The following SLC25A29 variants were observed in gnomAD, a reference collection of about 807,000 sequenced individuals.
The protein encoded by SLC25A29 is solute carrier family 25 member 29.
Under a neutral mutation model 10.0 loss-of-function variants are expected in SLC25A29, and 13 were observed. The ratio of observed to expected loss-of-function variants is 1.30; its 90% CI spans 0.85 to 2.07. The LOEUF is 2.07. SLC25A29 is among the 30% of genes most tolerant of loss of function. The probability of loss-of-function intolerance (pLI) is 0.00; values close to 1 mark genes in which losing one functional copy is unlikely to be tolerated. For missense variants in SLC25A29, 475 were observed against 447.6 expected (o/e 1.06, Z -0.55); for synonymous variants, 244 against 221.1 (o/e 1.10, Z -0.92).
chr14:100,306,068 G>T, intron 1 of SLC25A29, 131 bp downstream of exon 1: 1 of 595,610 alleles, frequency 1.7e-6, no homozygotes, highest in Non-Finnish European at 2.6e-6. Context: ...CGAGGCAAGA[G>T]AACTGTGGTC....
chr14:100,303,673 C>T (rs1265255091), intron 1 of SLC25A29, among the ~76,000 whole-genome samples: 1 of 152,174 alleles, frequency 6.6e-6, no homozygotes, highest in Non-Finnish European at 1.5e-5. Context: ...CACGAGGAGG[C>T]CTCCAGTCAC....
Position 100,295,838 on chromosome 14 carries a change from G to T in SLC25A29, c.79-2461C>A, listed in dbSNP as rs909171659. The T allele has an allele frequency of 1.6e-5, 20 of 1,289,722 alleles. No homozygotes were observed. In the East Asian group the frequency reaches 9.4e-4, roughly 61 times the overall value. The allele number at this position is 1,289,722 out of a possible 1,614,324, so 79.9% of individuals were successfully genotyped here. A position where few individuals can be genotyped will look rare whatever the true frequency, so the allele number is the denominator to read the frequency against. On this transcript the variant is annotated intron_variant, in intron 2 of 3. Coordinates refer to ENST00000359232, the MANE Select transcript of SLC25A29 (RefSeq NM_001039355.3). ...CGGTCACCCCCTCATCATAGGTCAA[G>T]ACAACTGCTCCCTGATTATTGCTGT...
intron 1 of SLC25A29, among the ~76,000 whole-genome samples, chr14:100,302,775 GTTT>G (rs56953966): frequency 3.4e-5 from 5 of 145,552 alleles, no homozygotes; most frequent in Non-Finnish European, 6.1e-5. Context: ...TGCTGCCAAT[GTTT>G]TTTTTTTTTT....
intron 1 of SLC25A29, among the ~76,000 whole-genome samples, chr14:100,300,167 A>G (rs975027876): frequency 6.6e-6 from 1 of 152,174 alleles, no homozygotes. Context: ...GCTACTCAGG[A>G]GGCTGAGGTG....
chr14:100,306,251 G>T lies in SLC25A29; in HGVS notation c.-19C>A, dbSNP rs764498244. ...GCGCCATGGCCGGGTCCCCGGCGAG[G>T]CCGCCTTTCCTCCTCGTCCTCCCCC... is the stretch of plus-strand genomic sequence containing the variant. On this transcript the variant is annotated 5_prime_UTR_variant, in exon 1 of 4. Transcript: ENST00000359232. 6.8e-7 allele frequency: 1 copy of T among 1,481,286 alleles called. No individual in the cohort carries two copies. Among genetic ancestry groups the T allele is most frequent in the Non-Finnish European group, 8.9e-7 (1 of 1,119,470 alleles). The allele number at this position is 1,481,286 out of a possible 1,614,324, so 91.8% of individuals were successfully genotyped here.
chr14:100,282,326 T>G, the SLC25A29 span: 13 of 151,400 alleles, frequency 8.6e-5, no homozygotes, highest in African/African-American at 3.2e-4. Flanking sequence ...TGGGATGTGT[T>G]GAGGAGGGGG....
intron 3 of SLC25A29, 28 bp downstream of exon 3, chr14:100,293,266 C>T: frequency 1.9e-6 from 3 of 1,609,822 alleles, no homozygotes; most frequent in Non-Finnish European, 2.5e-6. Context: ...CCTGTGCCTC[C>T]CGAGCCCCAC....
chr14:100,294,151 G>A (rs886611991), intron 2 of SLC25A29: 7 of 152,218 alleles, frequency 4.6e-5, no homozygotes, highest in African/African-American at 1.7e-4. Context: ...TTGGCTCCAG[G>A]AGCTCCTGCC....
intron 1 of SLC25A29, among the ~76,000 whole-genome samples, chr14:100,301,393 T>C (rs941776610): frequency 2.0e-5 from 3 of 151,044 alleles, no homozygotes; most frequent in African/African-American, 7.3e-5. Context: ...CTAAAACTCA[T>C]GACCTCATTG....
At position 100,303,640 on chromosome 14, in the gene SLC25A29, C is replaced by A. The variant is rs575381708; in HGVS notation, c.34+2559G>T. ...GTGGGGCCGGCCTCCATTGGAGGAG[C>A]CTCCTCACCACCTTTCTGAGCGCAC... On this transcript the variant is annotated intron_variant, in intron 1 of 3. Coordinates refer to ENST00000359232, the MANE Select transcript of SLC25A29 (RefSeq NM_001039355.3). Among the ~76,000 whole-genome samples, 41 of 152,328 alleles carry A rather than the reference C, an allele frequency of 2.7e-4. 1 individual carries two copies. The highest frequency in any genetic ancestry group is 9.4e-4 in the African/African-American group (39 of 41,566).
downstream of SLC25A29, among the ~76,000 whole-genome samples, chr14:100,288,358 G>A (rs1047318448): frequency 1.8e-5 from 2 of 109,298 alleles, no homozygotes; most frequent in African/African-American, 6.8e-5. Context: ...CTCCAGCCTG[G>A]GTGAAAAGAG....
downstream of SLC25A29, among the ~76,000 whole-genome samples, chr14:100,288,779 A>T (rs1891598643): frequency 6.6e-6 from 1 of 152,248 alleles, no homozygotes; most frequent in African/African-American, 2.4e-5. Flanking sequence ...GAAATATGCC[A>T]TGCAGCTGTC....
chr14:100,281,170 T>A, the SLC25A29 span: 1 of 150,804 alleles, frequency 6.6e-6, no homozygotes, highest in Non-Finnish European at 1.5e-5. Context: ...CTCTGACTTC[T>A]GTGACCTGGA....
chr14:100,289,973 C>T (rs2051961450), downstream of SLC25A29, among the ~76,000 whole-genome samples: 1 of 152,278 alleles, frequency 6.6e-6, no homozygotes, highest in Admixed American at 6.5e-5. Context: ...TGGGAGGGAG[C>T]TAGAAGCCCC....
In SLC25A29 at chr14:100,292,361, G is replaced by A. The variant is rs1029997904; in HGVS notation, c.834C>T (p.Gly278=). The A allele has an allele frequency of 2.0e-5, 30 of 1,506,622 alleles. No homozygotes were observed. Among genetic ancestry groups the A allele is most frequent in the Non-Finnish European group, 2.3e-5 (26 of 1,133,648 alleles). The allele number at this position is 1,506,622 out of a possible 1,614,324, so 93.3% of individuals were successfully genotyped here. The change falls in exon 4 of 4, where the codon GGC becomes GGT. Residue 278 remains glycine (G), a synonymous_variant. Transcript: ENST00000359232. ...TVTVVLTYAR[G]EEAGPEGEAV... ...CCTCGCCCTCGGGCCCGGCCTCCTC[G>A]CCGCGCGCGTAGGTGAGCACCACCG...
intron 1 of SLC25A29, chr14:100,305,812 A>C: frequency 1.0e-5 from 2 of 197,324 alleles, no homozygotes; most frequent in Non-Finnish European, 1.0e-5. Flanking sequence ...CCCGAAATAT[A>C]CGGCCGGGGG....
intron 1 of SLC25A29, among the ~76,000 whole-genome samples, chr14:100,300,693 T>C (rs1043500886): frequency 3.9e-5 from 6 of 152,054 alleles, no homozygotes; most frequent in Admixed American, 3.9e-4. Context: ...TTTTGAACCT[T>C]TTCTTACTAT....
At chr14:100,279,149 G>T in the SLC25A29 span, 1 of 152,164 alleles carries the variant, frequency 6.6e-6, no homozygotes, top group Non-Finnish European at 1.5e-5. Flanking sequence ...TGGATCTTAG[G>T]TCAAATAACA....
Position 100,292,517 on chromosome 14 carries a change from C to T in SLC25A29, c.678G>A (p.Pro226=), listed in dbSNP as rs1168357897. The T allele has an allele frequency of 1.9e-6, 3 of 1,589,788 alleles. No homozygotes were observed. Among genetic ancestry groups the T allele is most frequent in the Admixed American group, 3.5e-5 (2 of 56,418 alleles). Residue 226 remains proline, a synonymous_variant, in exon 4 of 4, where the codon CCG becomes CCA. Coordinates refer to ENST00000359232, the MANE Select transcript of SLC25A29 (RefSeq NM_001039355.3). ...CGCAGTCCAGGATGCCGCGGTAGCGCGGGGCGCCCCGCAGTCCGTCCGCCT... is the reference window on the plus strand; with the variant it reads ...CGCAGTCCAGGATGCCGCGGTAGCGTGGGGCGCCCCGCAGTCCGTCCGCCT... ...RLQADGLRGA[P]RYRGILDCVH...
Sources: allele counts gnomAD v4.1 joint callset (sites outside exome capture counted in the v4.1 genomes callset), GRCh38; gene constraint gnomAD v4.1.1; transcripts MANE v1.5; gene names NCBI Gene and HGNC (gene_info 2026-07-23, HGNC 2026-07-21).